The following TBX10 variants were observed in gnomAD, a reference collection of about 807,000 sequenced individuals.
TBX10 encodes the protein T-box transcription factor 10.
In TBX10, 26 loss-of-function variants were observed where a neutral mutation model predicts 32.4. The observed-to-expected ratio is 0.80, with a 90% CI of 0.59 to 1.11. The LOEUF (loss-of-function observed/expected upper bound fraction) is 1.11. Ranked by LOEUF, TBX10 falls within the 50% of genes most tolerant of loss-of-function variation. The pLI, the probability that TBX10 is intolerant of heterozygous loss-of-function variation, is 0.00. For synonymous variants in TBX10, 195 were observed against 203.1 expected (o/e 0.96, Z 0.34); for missense variants, 490 against 494.5 (o/e 0.99, Z 0.09).
rs1855274942 is a variant in TBX10 at position 67,633,666 on chromosome 11, A to G, written c.549+523T>C. Among the ~76,000 whole-genome samples, 3 of 152,232 alleles carry G rather than the reference A, an allele frequency of 2.0e-5. No individual in the cohort carries two copies. In the South Asian group the frequency reaches 6.2e-4, roughly 32 times the overall value. ...GCACCTACTGTCCCCTCTGACGGGCATGGGCCGCTGCATCCTCCACCTCCT... is the reference window on the plus strand; with the variant it reads ...GCACCTACTGTCCCCTCTGACGGGCGTGGGCCGCTGCATCCTCCACCTCCT... On this transcript the variant is annotated intron_variant, in intron 4 of 7. Coordinates refer to ENST00000335385, the MANE Select transcript of TBX10 (RefSeq NM_005995.5).
upstream of TBX10, among the ~76,000 whole-genome samples, chr11:67,640,077 C>T (rs1703303835): frequency 6.6e-6 from 1 of 152,180 alleles, no homozygotes; most frequent in Non-Finnish European, 1.5e-5. Flanking sequence ...AAGACCCAGA[C>T]CCCTGACCTG....
intron 3 of TBX10, 40 bp downstream of exon 3, chr11:67,634,776 A>G: frequency 1.3e-6 from 2 of 1,581,792 alleles, no homozygotes; most frequent in Non-Finnish European, 1.7e-6. Context: ...TGGTCTCAGC[A>G]CCTGAGACCT....
rs1320125450 is a variant in TBX10, at chr11:67,639,498, T to C, written c.-26A>G. ...GGAGACAGAGAGGCTGTCCGGCTCC[T>C]GGAGAAACACTGCTTGGCTGGGGCT... is the stretch of plus-strand genomic sequence containing the variant. On this transcript the variant is annotated 5_prime_UTR_variant, in exon 1 of 8. Coordinates refer to ENST00000335385, the MANE Select transcript of TBX10 (RefSeq NM_005995.5). The C allele has an allele frequency of 6.3e-7, 1 of 1,595,344 alleles. No individual in the cohort carries two copies. Among genetic ancestry groups the C allele is most frequent in the African/African-American group, 1.4e-5 (1 of 73,190 alleles).
intron 3 of TBX10, 127 bp from the exon 4 acceptor site, chr11:67,634,487 G>T: frequency 8.6e-7 from 1 of 1,158,152 alleles, no homozygotes; most frequent in Non-Finnish European, 1.2e-6. Context: ...CCTTGCTAAG[G>T]AACCCAAGGC....
chr11:67,640,200 C>T (rs555091959), upstream of TBX10, among the ~76,000 whole-genome samples: 7 of 152,308 alleles, frequency 4.6e-5, no homozygotes, highest in East Asian at 3.9e-4. Flanking sequence ...GACTGGATGG[C>T]GGGAAGCCCA....
chr11:67,636,403 T>A (rs762678400), intron 1 of TBX10, among the ~76,000 whole-genome samples: 1 of 151,766 alleles, frequency 6.6e-6, no homozygotes, highest in Non-Finnish European at 1.5e-5. Context: ...GGAACTCTTG[T>A]GCACTGCTGG....
intron 7 of TBX10, 123 bp from the exon 8 acceptor site, chr11:67,632,017 C>A (rs1017664688): frequency 7.3e-7 from 1 of 1,369,514 alleles, no homozygotes; most frequent in Non-Finnish European, 1.0e-6. Flanking sequence ...TTCGCCTTTG[C>A]TTTTCCCTCT....
chr11:67,636,718 G>C (rs572994546), intron 1 of TBX10, among the ~76,000 whole-genome samples: 1 of 151,574 alleles, frequency 6.6e-6, no homozygotes, highest in South Asian at 2.1e-4. Flanking sequence ...GGCTTGTCTC[G>C]AACTCCTGAC....
rs1380390560 is a variant in TBX10 at position 67,631,440 on chromosome 11, T to G, written c.*165A>C. On this transcript the variant is annotated 3_prime_UTR_variant, in exon 8 of 8. Coordinates refer to ENST00000335385, the MANE Select transcript of TBX10 (RefSeq NM_005995.5). Reference sequence around the variant, plus strand: ...AGTCCTGGTTCCAAGCTTGCCATGGTCCCAGCCTTGCTGTGACCCTGGGCA... The same window carrying G: ...AGTCCTGGTTCCAAGCTTGCCATGGGCCCAGCCTTGCTGTGACCCTGGGCA... 4.6e-6 allele frequency: 4 copies of G among 866,400 alleles called. No individual in the cohort carries two copies. The highest frequency in any genetic ancestry group is 2.5e-5 in the Admixed American group (1 of 39,694). 53.7% of individuals were successfully genotyped at this position (866,400 alleles called of 1,614,324 possible). A position where few individuals can be genotyped will look rare whatever the true frequency, so the allele number is the denominator to read the frequency against.
rs1297768745 is a variant in TBX10, at chr11:67,634,288, G to T, written c.450C>A (p.Phe150Leu). Residue 150 changes from phenylalanine to leucine, a missense_variant, in exon 4 of 8, where the codon TTC becomes TTA. Around this residue, in one of 3 missense-constraint regions of TBX10, gnomAD observed 307 missense variants for 294.9 expected, o/e 1.04. Coordinates refer to ENST00000335385, the MANE Select transcript of TBX10 (RefSeq NM_005995.5). Reference sequence around the variant, plus strand: ...CACCCTTGGCTGGCGAGTCGGGGTGGAAGTGCACGCGGCCAGGTGTGGCTG... The same window carrying T: ...CACCCTTGGCTGGCGAGTCGGGGTGTAAGTGCACGCGGCCAGGTGTGGCTG... The part of the protein sequence containing the change: ...ADPATPGRVH[F>L]HPDSPAKGAQ... 1.9e-6 allele frequency: 3 copies of T among 1,612,088 alleles called. No homozygotes were observed. Among genetic ancestry groups the T allele is most frequent in the South Asian group, 2.2e-5 (2 of 91,090 alleles).
At chr11:67,641,096 C>A (rs79660769), upstream of TBX10, among the ~76,000 whole-genome samples, 1 of 152,190 alleles carries the variant, frequency 6.6e-6, no homozygotes, top group East Asian at 1.9e-4. Context: ...GTGTAGTCAT[C>A]TGCCCTGGCC....
intron 3 of TBX10, 96 bp downstream of exon 3, chr11:67,634,720 G>T: frequency 7.4e-7 from 1 of 1,354,784 alleles, no homozygotes; most frequent in Non-Finnish European, 1.1e-6. Context: ...GGCATTGTTT[G>T]GACAGGCCCC....
At chr11:67,639,049 G>C (rs568265247) in intron 1 of TBX10, among the ~76,000 whole-genome samples, 5 of 152,280 alleles carry the variant, frequency 3.3e-5, no homozygotes, top group East Asian at 3.9e-4. Flanking sequence ...GGACTCTGGT[G>C]GGGGGAGCCT....
In TBX10 at chr11:67,631,497, C is replaced by A; in HGVS notation, c.*108G>T. ...CTCTTTCTCTAGACTTTCACCTACC[C>A]TGCTCTCCTTGAGACAGAGATGGGG... On this transcript the variant is annotated 3_prime_UTR_variant, in exon 8 of 8. Transcript: ENST00000335385. The A allele has an allele frequency of 7.0e-7, 1 of 1,419,282 alleles. No individual in the cohort carries two copies. The highest frequency in any genetic ancestry group is 9.6e-7 in the Non-Finnish European group (1 of 1,044,074). The allele number at this position is 1,419,282 out of a possible 1,614,324, so 87.9% of individuals were successfully genotyped here.
At chr11:67,632,488 T>C in intron 6 of TBX10, 76 bp from the exon 7 acceptor site, 1 of 1,584,968 alleles carries the variant, frequency 6.3e-7, no homozygotes, top group Non-Finnish European at 8.6e-7. Flanking sequence ...CAGCTTCAGA[T>C]GGTGGGGCCC....
In TBX10 at chr11:67,633,046, G is replaced by A. The variant is rs375584058; in HGVS notation, c.607C>T (p.Pro203Ser). 9 of 1,614,022 alleles carry A rather than the reference G, an allele frequency of 5.6e-6. No individual in the cohort carries two copies. The highest frequency in any genetic ancestry group is 7.6e-6 in the Non-Finnish European group (9 of 1,179,982). Residue 203 changes from proline to serine, a missense_variant, in exon 5 of 8, where the codon CCA becomes TCA. Physicochemically the swap from Pro to Ser is moderately conservative, Grantham distance 74. Transcript: ENST00000335385. Reference protein sequence around the residue: ...QPRFHVVFVDPRKDSERYAQE... With the variant: ...QPRFHVVFVDSRKDSERYAQE... ...GCATAGCGCTCACTGTCCTTGCGTG[G>A]GTCCACGAAGACCACGTGGAAACGG...
At chr11:67,640,982 G>A (rs1483281534), upstream of TBX10, among the ~76,000 whole-genome samples, 1 of 152,166 alleles carries the variant, frequency 6.6e-6, no homozygotes, top group African/African-American at 2.4e-5. Flanking sequence ...ATGCCCGGCT[G>A]TGTGAGAAAA....
At chr11:67,641,235 T>A (rs770484568), upstream of TBX10, among the ~76,000 whole-genome samples, 3 of 150,634 alleles carry the variant, frequency 2.0e-5, no homozygotes, top group Non-Finnish European at 4.4e-5. Context: ...CCCTGATACG[T>A]GTGTGTGTGC....
In TBX10 at chr11:67,639,638, A is replaced by G. The variant is rs1855378590; in HGVS notation, c.-166T>C. The G allele has an allele frequency of 1.1e-6, 1 of 893,362 alleles. No individual in the cohort carries two copies. The highest frequency in any genetic ancestry group is 1.8e-6 in the Non-Finnish European group (1 of 559,596). 55.3% of individuals were successfully genotyped at this position (893,362 alleles called of 1,614,324 possible). ...CGGCAGGACGGTCCTTGCCTCCTCGATCGCCCTTCGTCCACGTCCTGAGGT... is the reference window on the plus strand; with the variant it reads ...CGGCAGGACGGTCCTTGCCTCCTCGGTCGCCCTTCGTCCACGTCCTGAGGT... On this transcript the variant is annotated 5_prime_UTR_variant, in exon 1 of 8. Transcript: ENST00000335385.
Sources: allele counts gnomAD v4.1 joint callset (sites outside exome capture counted in the v4.1 genomes callset), GRCh38; gene constraint gnomAD v4.1.1; regional missense constraint gnomAD v4.1.1; transcripts MANE v1.5; gene names NCBI Gene and HGNC (gene_info 2026-07-23, HGNC 2026-07-21).